Variants in SLTM observed in about 807,000 individuals in gnomAD.
SLTM encodes SAFB-like transcription modulator.
SLTM carries 43 observed loss-of-function variants against 134.6 expected under a neutral mutation model. The ratio of observed to expected loss-of-function variants is 0.32; its 90% CI spans 0.25 to 0.41. The LOEUF (loss-of-function observed/expected upper bound fraction) is 0.41, where lower values mean the gene tolerates loss of function less well. Among genes scored for constraint, SLTM ranks in the 10% least tolerant of loss-of-function variants. The pLI, the probability that SLTM is intolerant of heterozygous loss-of-function variation, is 1.00. For synonymous variants in SLTM, 424 were observed against 432.3 expected, an observed-to-expected ratio of 0.98 and a Z score of 0.24; for missense variants, 1,055 against 1,288.8, an observed-to-expected ratio of 0.82 and a Z score of 2.78.
At chr15:58,916,902 T>C in intron 3 of SLTM, 33 bp downstream of exon 3, 1 of 1,589,584 alleles carries the variant, frequency 6.3e-7, no homozygotes, top group Non-Finnish European at 8.6e-7. Context: ...AGGCTTAAAA[T>C]AAGCATCTTA....
At position 58,897,110 on chromosome 15, in the gene SLTM, T is replaced by A. The variant is rs536591169; in HGVS notation, c.1227+5A>T. On this transcript the variant is annotated splice_donor_5th_base_variant and intron_variant, in intron 9 of 20. Transcript: ENST00000380516. ...AAGACAGATAAAAAGGTAAAAAGAA[T>A]GTACCTTTCCATATTTGCCAAAGAG... 2.6e-5 allele frequency: 41 copies of A among 1,554,434 alleles called. No homozygotes were observed. In the Middle Eastern group the frequency reaches 1.0e-3, roughly 38 times the overall value.
intron 8 of SLTM, 86 bp downstream of exon 8, chr15:58,898,717 G>T: frequency 2.0e-6 from 2 of 992,856 alleles, no homozygotes; most frequent in South Asian, 1.4e-5. Flanking sequence ...AGGACTAAAT[G>T]TCAAAGAAAA....
Position 58,919,833 on chromosome 15 carries a change from G to A in SLTM, c.251-2834C>T, listed in dbSNP as rs554709031. 2.6e-5 allele frequency among the ~76,000 whole-genome samples: 4 copies of A among 152,168 alleles called. No homozygotes were observed. The South Asian group carries it at 8.3e-4, about 32-fold the overall frequency. ...TCCAAGCACCCTATGATGGTACATA[G>A]GTCCATTATCACAATTTTACAAAAG... On this transcript the variant is annotated intron_variant, in intron 2 of 20. Coordinates refer to ENST00000380516, the MANE Select transcript of SLTM (RefSeq NM_024755.4).
intron 5 of SLTM, among the ~76,000 whole-genome samples, chr15:58,901,924 A>C (rs575866960): frequency 3.9e-5 from 6 of 152,320 alleles, no homozygotes; most frequent in African/African-American, 1.4e-4. Context: ...TGTCACACAT[A>C]TACCGATGGC....
At chr15:58,894,375 G>A in intron 10 of SLTM, 58 bp downstream of exon 10, 8 of 1,587,236 alleles carry the variant, frequency 5.0e-6, no homozygotes, top group Non-Finnish European at 6.9e-6. Flanking sequence ...TAACAGCTAT[G>A]AGTTGAGAAC....
At chr15:58,898,084 C>T (rs566826536) in intron 8 of SLTM, 1 of 152,164 alleles carries the variant, frequency 6.6e-6, no homozygotes, top group East Asian at 1.9e-4. Context: ...TTCTTTTAAG[C>T]AAGACCAACC....
intron 19 of SLTM, among the ~76,000 whole-genome samples, chr15:58,886,370 G>T (rs567835443): frequency 4.6e-5 from 7 of 151,604 alleles, no homozygotes; most frequent in South Asian, 2.1e-4. Context: ...GGGCTCAAGT[G>T]ATTCTCCTGC....
intron 2 of SLTM, among the ~76,000 whole-genome samples, chr15:58,926,839 C>G (rs1392390283): frequency 6.6e-6 from 1 of 152,048 alleles, no homozygotes; most frequent in African/African-American, 2.4e-5. Flanking sequence ...GTCTCGAACT[C>G]CTGACCTTGT....
chr15:58,895,409 T>C (rs552944084), intron 9 of SLTM, among the ~76,000 whole-genome samples: 11 of 152,202 alleles, frequency 7.2e-5, no homozygotes, highest in African/African-American at 1.4e-4. Flanking sequence ...TGACAAATAA[T>C]TGCAATTGTG....
Position 58,913,526 on chromosome 15 carries a change from A to G in SLTM, c.486T>C (p.Asp162=). The stretch of plus-strand genomic sequence containing the variant: ...GACTTTCGATGTCCTCTTTTTCTAT[A>G]TCTTCTATTCCTTCTGCCTCTATTA... The part of the protein sequence containing the change: ...HELIEAEGIE[D]IEKEDIESQE... The change falls in exon 4 of 21, where the codon GAT becomes GAC. Residue 162 remains aspartate, a synonymous_variant. Coordinates refer to ENST00000380516, the MANE Select transcript of SLTM (RefSeq NM_024755.4). 1 of 1,609,138 alleles carries G rather than the reference A, an allele frequency of 6.2e-7. No individual in the cohort carries two copies. Among genetic ancestry groups the G allele is most frequent in the Non-Finnish European group, 8.5e-7 (1 of 1,178,022 alleles).
chr15:58,921,147 C>T (rs1427166002), intron 2 of SLTM, among the ~76,000 whole-genome samples: 1 of 152,082 alleles, frequency 6.6e-6, no homozygotes, highest in Non-Finnish European at 1.5e-5. Context: ...CATCTATGGT[C>T]CAGGTGCTAG....
At chr15:58,932,202 G>A in intron 2 of SLTM, 154 bp downstream of exon 2, 2 of 614,614 alleles carry the variant, frequency 3.3e-6, no homozygotes, top group East Asian at 2.7e-5. Context: ...CCAAAGCCTG[G>A]CAACAGTAAC....
intron 2 of SLTM, among the ~76,000 whole-genome samples, chr15:58,930,622 A>AGG (rs2037807059): frequency 6.6e-6 from 1 of 151,638 alleles, no homozygotes; most frequent in Non-Finnish European, 1.5e-5. Context: ...CTAAGGTGGG[A>AGG]GGGATCACTT....
At chr15:58,884,664 A>G (rs1387505130) in intron 19 of SLTM, among the ~76,000 whole-genome samples, 3 of 150,706 alleles carry the variant, frequency 2.0e-5, no homozygotes, top group Non-Finnish European at 3.0e-5. Flanking sequence ...ACATGATCAC[A>G]CTGTTGCCCA....
At chr15:58,919,946 T>C (rs1406308232) in intron 2 of SLTM, among the ~76,000 whole-genome samples, 6 of 152,192 alleles carry the variant, frequency 3.9e-5, no homozygotes, top group African/African-American at 9.7e-5. Context: ...TGACCAATCT[T>C]GTCCTGCCAC....
intron 5 of SLTM, among the ~76,000 whole-genome samples, chr15:58,909,480 A>G (rs2036105209): frequency 1.3e-5 from 2 of 152,230 alleles, no homozygotes; most frequent in South Asian, 4.1e-4. Flanking sequence ...ACCACTGGGT[A>G]ACCAAATAGT....
rs2035035907 is a variant in SLTM, at chr15:58,895,795, CTA to C, written c.1228-1215_1228-1214del. 2.6e-5 allele frequency among the ~76,000 whole-genome samples: 4 copies of C among 152,234 alleles called. No individual in the cohort carries two copies. In the South Asian group the frequency reaches 8.3e-4, roughly 32 times the overall value. Reference sequence around the variant, plus strand: ...TCATGGGACTACAATTCTCAGTGTTCTATTTCTGACACCTACAAGAACCTCCT... The same window carrying C: ...TCATGGGACTACAATTCTCAGTGTTCTTTCTGACACCTACAAGAACCTCCT... On this transcript the variant is annotated intron_variant, in intron 9 of 20. Transcript: ENST00000380516.
rs769257882 is a variant in SLTM at position 58,916,916 on chromosome 15, T to C, written c.315+19A>G. 1 of 1,608,006 alleles carries C rather than the reference T, an allele frequency of 6.2e-7. No homozygotes were observed. The highest frequency in any genetic ancestry group is 8.5e-7 in the Non-Finnish European group (1 of 1,174,926). On this transcript the variant is annotated intron_variant, in intron 3 of 20. Coordinates refer to ENST00000380516, the MANE Select transcript of SLTM (RefSeq NM_024755.4). The stretch of plus-strand genomic sequence containing the variant: ...TAGGCTTAAAATAAGCATCTTAACC[T>C]GAGTAATTAACACTTTACCTTGATA...
intron 16 of SLTM, 121 bp from the exon 17 acceptor site, chr15:58,888,676 G>A (rs2034420835): frequency 2.4e-6 from 2 of 837,026 alleles, no homozygotes; most frequent in Admixed American, 2.9e-5. Context: ...GTAAACTCAA[G>A]ACATAACACA....
Sources: gnomAD v4.1 joint callset for allele counts (sites outside exome capture counted in the v4.1 genomes callset) on GRCh38, gnomAD v4.1.1 for gene constraint, MANE v1.5 for transcripts, NCBI Gene and HGNC (gene_info 2026-07-23, HGNC 2026-07-21) for gene names.